The following INTU variants were observed in gnomAD, a reference collection of about 807,000 sequenced individuals.
INTU encodes inturned planar cell polarity protein.
INTU carries 68 observed loss-of-function variants against 100.5 expected under a neutral mutation model. The ratio of observed to expected loss-of-function variants is 0.68; its 90% CI spans 0.56 to 0.83. The LOEUF (loss-of-function observed/expected upper bound fraction) is 0.83, where lower values mean the gene tolerates loss of function less well. Ranked by LOEUF, INTU falls within the 40% of genes least tolerant of loss-of-function variation. The probability of loss-of-function intolerance (pLI) is 0.00; values close to 1 mark genes in which losing one functional copy is unlikely to be tolerated. For missense variants in INTU, 1,071 were observed against 1,114.7 expected, an observed-to-expected ratio of 0.96 and a Z score of 0.56; for synonymous variants, 357 against 395.7, an observed-to-expected ratio of 0.90 and a Z score of 1.16.
chr4:127,701,915 G>T lies in INTU; in HGVS notation c.1503+1852G>T, dbSNP rs534126895. On this transcript the variant is annotated intron_variant, in intron 9 of 15. Transcript: ENST00000335251. ...TCTTAACAAACACCCTAAACAAATG[G>T]AAGGGTGTTTTGTCTGTAAAAATAA... Among the ~76,000 whole-genome samples, 3 of 152,230 alleles carry T rather than the reference G, an allele frequency of 2.0e-5. 1 individual carries two copies. In the South Asian group the frequency reaches 6.2e-4, roughly 32 times the overall value.
In INTU at chr4:127,719,519, C is replaced by G. The variant is rs570780512; in HGVS notation, c.*3083C>G. 1 of 152,150 alleles carries G rather than the reference C, an allele frequency of 6.6e-6. No individual in the cohort carries two copies. The highest frequency in any genetic ancestry group is 1.5e-5 in the Non-Finnish European group (1 of 68,030). The allele number at this position is 152,150 out of a possible 1,614,324, so 9.4% of individuals were successfully genotyped here. ...TATAGAATGAGTTAGGGAGGAGTCT[C>G]TCCTTTTCATTTGTTTGGAATAGTT... On this transcript the variant is annotated 3_prime_UTR_variant, in exon 16 of 16. Transcript: ENST00000335251.
intron 14 of INTU, among the ~76,000 whole-genome samples, chr4:127,711,596 C>T (rs1015391615): frequency 4.6e-5 from 7 of 152,114 alleles, no homozygotes; most frequent in African/African-American, 1.2e-4. Context: ...AGGTGAGTGG[C>T]GGGCCAGGGA....
At chr4:127,711,948 T>G (rs1163868212) in intron 14 of INTU, among the ~76,000 whole-genome samples, 1 of 152,220 alleles carries the variant, frequency 6.6e-6, no homozygotes, top group Non-Finnish European at 1.5e-5. Context: ...AATAATGCTG[T>G]GTACAATTAC....
chr4:127,673,812 T>C (rs1729045356), intron 5 of INTU, among the ~76,000 whole-genome samples: 1 of 151,858 alleles, frequency 6.6e-6, no homozygotes. Context: ...GGCCAGGCTG[T>C]TCTCAAACTC....
At chr4:127,677,771 G>A (rs1299363649) in intron 6 of INTU, among the ~76,000 whole-genome samples, 1 of 152,172 alleles carries the variant, frequency 6.6e-6, no homozygotes, top group Non-Finnish European at 1.5e-5. Context: ...GACGAGATGA[G>A]AGAAGAAGGC....
At position 127,656,703 on chromosome 4, in the gene INTU, C is replaced by T. The variant is rs1728244623; in HGVS notation, c.750C>T (p.Cys250=). ...AAAACATCGAGAGAGTTCTGTCTTG[C>T]ATTCCTGGACCTATGCAGGTATGGA... ...TTENIERVLS[C]IPGPMQVKLT... Residue 250 remains cysteine, a synonymous_variant, in exon 3 of 16, where the codon TGC becomes TGT. Transcript: ENST00000335251. The T allele has an allele frequency of 1.2e-6, 2 of 1,606,802 alleles. No individual in the cohort carries two copies. Among genetic ancestry groups the T allele is most frequent in the East Asian group, 4.5e-5 (2 of 44,824 alleles).
chr4:127,636,402 C>T (rs549486534), intron 1 of INTU, among the ~76,000 whole-genome samples: 7 of 152,026 alleles, frequency 4.6e-5, no homozygotes, highest in East Asian at 3.9e-4. Flanking sequence ...CCTGAGGTCA[C>T]GAGTTCGAGA....
intron 2 of INTU, 26 bp from the exon 3 acceptor site, chr4:127,656,610 A>C: frequency 1.3e-6 from 2 of 1,520,198 alleles, no homozygotes; most frequent in Non-Finnish European, 9.1e-7. Context: ...TCATAAAACT[A>C]TCTTTTATTG....
Position 127,633,074 on chromosome 4 carries a change from G to A in INTU, c.40G>A (p.Asp14Asn). The A allele has an allele frequency of 6.2e-7, 1 of 1,613,980 alleles. No individual in the cohort carries two copies. The highest frequency in any genetic ancestry group is 8.5e-7 in the Non-Finnish European group (1 of 1,179,854). The part of the protein sequence containing the change: ...VASCDSRPSS[D>N]ELPGDPSSQE... ...TTCGTGCGATTCGCGTCCGAGCTCA[G>A]ACGAGCTCCCTGGAGACCCCTCTTC... The change falls in exon 1 of 16, where the codon GAC (aspartate) becomes AAC (asparagine). Residue 14 changes from aspartate to asparagine, a missense_variant. By Grantham distance (23) the Asp-to-Asn change is conservative. Coordinates refer to ENST00000335251, the MANE Select transcript of INTU (RefSeq NM_015693.4).
intron 2 of INTU, among the ~76,000 whole-genome samples, 187 bp from the exon 3 acceptor site, chr4:127,656,449 G>C (rs1025709028): frequency 2.0e-5 from 3 of 152,192 alleles, no homozygotes; most frequent in African/African-American, 7.2e-5. Context: ...AGATTAAGAA[G>C]AGTAAAGTTA....
chr4:127,706,888 C>T lies in INTU; in HGVS notation c.2190C>T (p.Pro730=). ...CEGGEDDGFS[P]HTTPDAVRKQ... ...GTGGAGAAGATGATGGCTTTAGCCC[C>T]CATACTACACCGGATGCAGTACGGA... is the stretch of plus-strand genomic sequence containing the variant. Residue 730 remains proline (P), a synonymous_variant, in exon 12 of 16, where the codon CCC becomes CCT. Transcript: ENST00000335251. The T allele has an allele frequency of 1.2e-6, 2 of 1,613,988 alleles. No homozygotes were observed. The highest frequency in any genetic ancestry group is 1.7e-6 in the Non-Finnish European group (2 of 1,179,942).
chr4:127,664,498 C>T (rs1329650351), intron 4 of INTU, among the ~76,000 whole-genome samples: 1 of 151,886 alleles, frequency 6.6e-6, no homozygotes, highest in Non-Finnish European at 1.5e-5. Context: ...CCATTTTTCC[C>T]TCCAGTTCTA....
intron 4 of INTU, 35 bp downstream of exon 4, chr4:127,663,619 TA>T: frequency 6.4e-7 from 1 of 1,569,038 alleles, no homozygotes; most frequent in Non-Finnish European, 8.7e-7. Flanking sequence ...GAAATAAGTT[TA>T]GTCAAAAGCC....
intron 8 of INTU, among the ~76,000 whole-genome samples, chr4:127,696,577 C>G (rs1730396867): frequency 6.7e-6 from 1 of 149,838 alleles, no homozygotes. Flanking sequence ...CTATTTTTAT[C>G]TTAGTTAGGC....
In INTU at chr4:127,716,348, C is replaced by G; in HGVS notation, c.2741C>G (p.Pro914Arg). 8.9e-6 allele frequency: 14 copies of G among 1,573,432 alleles called. No homozygotes were observed. Among genetic ancestry groups the G allele is most frequent in the Non-Finnish European group, 1.2e-5 (14 of 1,159,558 alleles). ...VVGRLFLHPK[P>R]QELYVCFHDS... ...AGGAGACTTTTTCTTCATCCAAAACCTCAAGAACTTTATGTCTGTTTTCAT... is the reference window on the plus strand; with the variant it reads ...AGGAGACTTTTTCTTCATCCAAAACGTCAAGAACTTTATGTCTGTTTTCAT... Residue 914 changes from proline to arginine, a missense_variant, in exon 16 of 16, where the codon CCT becomes CGT. Transcript: ENST00000335251.
At chr4:127,655,422 TG>T (rs1728141907) in intron 2 of INTU, among the ~76,000 whole-genome samples, 1 of 149,898 alleles carries the variant, frequency 6.7e-6, no homozygotes, top group African/African-American at 2.5e-5. Context: ...CCTTTCTGTT[TG>T]TTAGTTTTCC....
chr4:127,714,819 G>A (rs1469339722), intron 15 of INTU, among the ~76,000 whole-genome samples: 3 of 151,950 alleles, frequency 2.0e-5, no homozygotes, highest in African/African-American at 7.3e-5. Context: ...ACAGTACCTG[G>A]CACATAATAT....
Position 127,718,805 on chromosome 4 carries a change from G to A in INTU, c.*2369G>A, listed in dbSNP as rs901346661. On this transcript the variant is annotated 3_prime_UTR_variant, in exon 16 of 16. Transcript: ENST00000335251. ...CTGCTTGCCTGTTGTTGGTGTATAG[G>A]AATGCTGGTGACTTCTGCACAATGA... The A allele has an allele frequency of 6.6e-6, 1 of 152,144 alleles. No individual in the cohort carries two copies. The highest frequency in any genetic ancestry group is 2.4e-5 in the African/African-American group (1 of 41,418). 9.4% of individuals were successfully genotyped at this position (152,144 alleles called of 1,614,324 possible). A position where few individuals can be genotyped will look rare whatever the true frequency, so the allele number is the denominator to read the frequency against.
Position 127,717,834 on chromosome 4 carries a change from G to A in INTU, c.*1398G>A, listed in dbSNP as rs531752575. The A allele has an allele frequency of 3.6e-4, 55 of 152,144 alleles. No individual in the cohort carries two copies. Among genetic ancestry groups the A allele is most frequent in the African/African-American group, 1.3e-3 (54 of 41,534 alleles). 9.4% of individuals were successfully genotyped at this position (152,144 alleles called of 1,614,324 possible). A position where few individuals can be genotyped will look rare whatever the true frequency, so the allele number is the denominator to read the frequency against. ...TGTCCTTTGCCCAGTTTTTAATGCG[G>A]TTCTATTTTTTCTTGTAACTTGGTT... On this transcript the variant is annotated 3_prime_UTR_variant, in exon 16 of 16. Transcript: ENST00000335251.
Sources: gnomAD v4.1 joint callset for allele counts (sites outside exome capture counted in the v4.1 genomes callset) on GRCh38, gnomAD v4.1.1 for gene constraint, MANE v1.5 for transcripts, NCBI Gene and HGNC (gene_info 2026-07-23, HGNC 2026-07-21) for gene names.